RIPOR1: variants seen among roughly 807,000 people sequenced by gnomAD.
The protein encoded by RIPOR1 is RHO family interacting cell polarization regulator 1, also known as rho family-interacting cell polarization regulator 1.
In RIPOR1, 58 loss-of-function variants were observed where a neutral mutation model predicts 116.5. The observed-to-expected ratio is 0.50, with a 90% confidence interval of 0.40 to 0.62. RIPOR1 has a LOEUF of 0.62. Among genes scored for constraint, RIPOR1 ranks in the 20% least tolerant of loss-of-function variants. RIPOR1 has a pLI of 0.00. For missense variants in RIPOR1, 1,372 were observed against 1,586.2 expected, an observed-to-expected ratio of 0.86 and a Z score of 2.29; for synonymous variants, 605 against 650.0, an observed-to-expected ratio of 0.93 and a Z score of 1.05.
At chr16:67,534,835 CTTTTTTTTTT>C (rs553858194) in intron 1 of RIPOR1, among the ~76,000 whole-genome samples, 3 of 79,022 alleles carry the variant, frequency 3.8e-5, no homozygotes, top group African/African-American at 5.3e-5. Context: ...TTCTTTTTTT[CTTTTTTTTTT>C]TTTTTTTTTT....
Position 67,542,178 on chromosome 16 carries a change from A to G in RIPOR1, c.1392A>G (p.Ser464=), listed in dbSNP as rs1258735414. ...ASVDAALAEA[S]VEAVGPESLA... is the part of the protein sequence containing the mutation. The stretch of plus-strand genomic sequence containing the variant: ...TAGATGCTGCCTTGGCTGAGGCTTC[A>G]GTGGAGGCCGTTGGCCCAGAAAGCC... The change falls in exon 13 of 22, where the codon TCA becomes TCG. Residue 464 remains serine, a synonymous_variant. Transcript: ENST00000042381. This position sits in a 1 kb window ranked among gnomAD's most constrained non-coding sequence, Gnocchi z 4.6. 2 of 1,613,402 alleles carry G rather than the reference A, an allele frequency of 1.2e-6. No individual in the cohort carries two copies. The highest frequency in any genetic ancestry group is 1.7e-5 in the Admixed American group (1 of 59,972).
At position 67,537,145 on chromosome 16, in the gene RIPOR1, C is replaced by T. The variant is rs936262987; in HGVS notation, c.-23-1279C>T. ...GGTCAGGCTGATCTCGAATTCCTGA[C>T]CTCGTGATCCGCCCGCCTCGGCCTC... On this transcript the variant is annotated intron_variant, in intron 1 of 21. Coordinates refer to ENST00000042381, the MANE Select transcript of RIPOR1 (RefSeq NM_024519.4). This position sits in a 1 kb window ranked among gnomAD's most constrained non-coding sequence, Gnocchi z 4.6. Among the ~76,000 whole-genome samples the T allele has an allele frequency of 6.6e-6, 1 of 152,166 alleles. No homozygotes were observed. The highest frequency in any genetic ancestry group is 2.4e-5 in the African/African-American group (1 of 41,438).
chr16:67,542,486 C>T lies in RIPOR1; in HGVS notation c.1700C>T (p.Thr567Ile), dbSNP rs1323597142. Residue 567 changes from threonine to isoleucine, a missense_variant, in exon 13 of 22, where the codon ACT becomes ATT. By Grantham distance (89) the Thr-to-Ile change is moderately conservative (BLOSUM62 -1). This residue lies in a region of RIPOR1 where 1,005 missense variants were observed against 1,144.7 expected (regional missense o/e 0.88). Transcript: ENST00000042381. This position sits in a 1 kb window ranked among gnomAD's most constrained non-coding sequence, Gnocchi z 4.6. ...TTTHSAPSPL[T>I]HTTTGSTHKP... The stretch of plus-strand genomic sequence containing the variant: ...ACCCACAGTGCTCCAAGCCCCCTCA[C>T]TCACACTACTACAGGCTCCACCCAC... 6.2e-7 allele frequency: 1 copy of T among 1,613,940 alleles called. No individual in the cohort carries two copies. The highest frequency in any genetic ancestry group is 1.1e-5 in the South Asian group (1 of 91,084).
At position 67,541,683 on chromosome 16, in the gene RIPOR1, T is replaced by G. The variant is rs1395498734; in HGVS notation, c.981T>G (p.Ala327=). ...SPFDKDDQPS[A]ASSVNKASTV... is the part of the protein sequence containing the mutation. ...TCGACAAGGATGACCAGCCCTCAGC[T>G]GCTTCTTCTGTCAACAAGGCCTCCA... Residue 327 remains alanine (A), a synonymous_variant, in exon 12 of 22, where the codon GCT becomes GCG. Coordinates refer to ENST00000042381, the MANE Select transcript of RIPOR1 (RefSeq NM_024519.4). This position sits in a 1 kb window ranked among gnomAD's most constrained non-coding sequence, Gnocchi z 4.6. The G allele has an allele frequency of 1.2e-6, 2 of 1,613,952 alleles. No homozygotes were observed. The highest frequency in any genetic ancestry group is 1.1e-5 in the South Asian group (1 of 91,086).
At position 67,543,438 on chromosome 16, in the gene RIPOR1, G is replaced by A. The variant is rs1315405212; in HGVS notation, c.2569G>A (p.Glu857Lys). Reference sequence around the variant, plus strand: ...GAGCTTCAGCTTCCTCAATGAAGACGAAGATGAAGACAATGATGTTCCTGG... The same window carrying A: ...GAGCTTCAGCTTCCTCAATGAAGACAAAGATGAAGACAATGATGTTCCTGG... ...LESFSFLNEDEDEDNDVPGDR... is the reference protein window; with the variant it reads ...LESFSFLNEDKDEDNDVPGDR... Residue 857 changes from glutamate to lysine, a missense_variant, in exon 14 of 22, where the codon GAA becomes AAA. Around this residue, in one of 3 missense-constraint regions of RIPOR1, gnomAD observed 1,005 missense variants for 1,144.7 expected, o/e 0.88. Transcript: ENST00000042381. This position sits in a 1 kb window ranked among gnomAD's most constrained non-coding sequence, Gnocchi z 4.7. The A allele has an allele frequency of 1.2e-5, 18 of 1,558,746 alleles. No individual in the cohort carries two copies. Among genetic ancestry groups the A allele is most frequent in the Admixed American group, 1.9e-5 (1 of 51,626 alleles).
Position 67,545,855 on chromosome 16 carries a change from G to A in RIPOR1, c.3382G>A (p.Glu1128Lys), listed in dbSNP as rs1413971366. 1.9e-6 allele frequency: 3 copies of A among 1,607,630 alleles called. No homozygotes were observed. The highest frequency in any genetic ancestry group is 1.1e-5 in the South Asian group (1 of 90,220). Reference sequence around the variant, plus strand: ...CCTGTCACTGGGCCCTACCTTCCGGGAGAGGGTGAGTTGGACAGGGCTCCC... The same window carrying A: ...CCTGTCACTGGGCCCTACCTTCCGGAAGAGGGTGAGTTGGACAGGGCTCCC... ...RSLSLGPTFR[E>K]RALLCFLDQL... Residue 1128 changes from glutamate (E) to lysine (K), a missense_variant, in exon 19 of 22, where the codon GAG (glutamate) becomes AAG (lysine). Glu to Lys is a moderately conservative substitution (Grantham distance 56). Coordinates refer to ENST00000042381, the MANE Select transcript of RIPOR1 (RefSeq NM_024519.4). The surrounding 1 kb of genome is among the most constrained non-coding windows in gnomAD (Gnocchi z 4.8).
At position 67,543,064 on chromosome 16, in the gene RIPOR1, A is replaced by G. The variant is rs780645424; in HGVS notation, c.2278A>G (p.Thr760Ala). ...QSLSPTPSPP[T>A]PAPQHSDLCL... ...TCTAAGCCCCACTCCCTCACCCCCAACCCCTGCACCCCAGCATTCAGACCT... is the reference window on the plus strand; with the variant it reads ...TCTAAGCCCCACTCCCTCACCCCCAGCCCCTGCACCCCAGCATTCAGACCT... The change falls in exon 13 of 22, where the codon ACC (threonine) becomes GCC (alanine). Residue 760 changes from threonine to alanine, a missense_variant. Transcript: ENST00000042381. This position sits in a 1 kb window ranked among gnomAD's most constrained non-coding sequence, Gnocchi z 4.7. The G allele has an allele frequency of 7.6e-5, 116 of 1,521,266 alleles. No individual in the cohort carries two copies. The highest frequency in any genetic ancestry group is 1.0e-4 in the Non-Finnish European group (114 of 1,136,730). 94.2% of individuals were successfully genotyped at this position (1,521,266 alleles called of 1,614,324 possible).
In RIPOR1 at chr16:67,543,294, C is replaced by A; in HGVS notation, c.2478+30C>A. On this transcript the variant is annotated intron_variant, in intron 13 of 21. Coordinates refer to ENST00000042381, the MANE Select transcript of RIPOR1 (RefSeq NM_024519.4). This position sits in a 1 kb window ranked among gnomAD's most constrained non-coding sequence, Gnocchi z 4.7. Reference sequence around the variant, plus strand: ...GGAGGGCTGGGCTGGGCTAGGGCAACCAGGGAGGGCAGCCAGGGGGCGGCA... The same window carrying A: ...GGAGGGCTGGGCTGGGCTAGGGCAAACAGGGAGGGCAGCCAGGGGGCGGCA... 6.2e-7 allele frequency: 1 copy of A among 1,605,334 alleles called. No homozygotes were observed. The highest frequency in any genetic ancestry group is 2.2e-5 in the East Asian group (1 of 44,652).
rs1251937730 is a variant in RIPOR1 at position 67,531,503 on chromosome 16, A to G, written c.-24+2589A>G. The G allele has an allele frequency of 1.0e-5, 4 of 396,824 alleles. No homozygotes were observed. The highest frequency in any genetic ancestry group is 2.0e-5 in the Non-Finnish European group (4 of 197,250). 24.6% of individuals were successfully genotyped at this position (396,824 alleles called of 1,614,324 possible). Reference sequence around the variant, plus strand: ...GAAGTCAAAAAGGGGGAACCAACCCAGGGCCTGCTTCCTGGAGGAAGAAGT... The same window carrying G: ...GAAGTCAAAAAGGGGGAACCAACCCGGGGCCTGCTTCCTGGAGGAAGAAGT... On this transcript the variant is annotated intron_variant, in intron 1 of 21. Coordinates refer to ENST00000042381, the MANE Select transcript of RIPOR1 (RefSeq NM_024519.4). The surrounding 1 kb of genome is among the most constrained non-coding windows in gnomAD (Gnocchi z 4.2).
chr16:67,533,023 G>A (rs1166493535), intron 1 of RIPOR1, among the ~76,000 whole-genome samples: 1 of 152,128 alleles, frequency 6.6e-6, no homozygotes, highest in Non-Finnish European at 1.5e-5. Flanking sequence ...AGGTGAGGGG[G>A]CAGATTGCAG....
intron 1 of RIPOR1, among the ~76,000 whole-genome samples, chr16:67,532,382 G>A (rs2050683580): frequency 6.6e-6 from 1 of 151,602 alleles, no homozygotes; most frequent in Admixed American, 6.6e-5. Flanking sequence ...GAAACTGATC[G>A]CTTGAGCCCA....
chr16:67,545,781 T>G lies in RIPOR1; in HGVS notation c.3308T>G (p.Val1103Gly), dbSNP rs765170301. Residue 1103 changes from valine (V) to glycine (G), a missense_variant, in exon 19 of 22, where the codon GTC becomes GGC. Val to Gly is a moderately radical substitution (Grantham distance 109). This residue lies in a region of RIPOR1 where 1,005 missense variants were observed against 1,144.7 expected (regional missense o/e 0.88). Transcript: ENST00000042381. The surrounding 1 kb of genome is among the most constrained non-coding windows in gnomAD (Gnocchi z 4.8). ...CTGCGGGCCCTCAGCTCCCTGCTCG[T>G]CCATGGCAACAACAAGGTCATGGCT... is the stretch of plus-strand genomic sequence containing the variant. ...DGLRALSSLL[V>G]HGNNKVMAAV... is the part of the protein sequence containing the mutation. 6.2e-7 allele frequency: 1 copy of G among 1,612,914 alleles called. No individual in the cohort carries two copies.
In RIPOR1 at chr16:67,537,611, C is replaced by T. The variant is rs766861303; in HGVS notation, c.-23-813C>T. 1.6e-5 allele frequency: 23 copies of T among 1,406,418 alleles called. No individual in the cohort carries two copies. In the South Asian group the frequency reaches 1.6e-4, roughly 10 times the overall value. The allele number at this position is 1,406,418 out of a possible 1,614,324, so 87.1% of individuals were successfully genotyped here. Reference sequence around the variant, plus strand: ...CCAAGAAGAGAGGTAGGACCCAGCTCGGGGCTGCGAAAGCTCAGGGACTGG... The same window carrying T: ...CCAAGAAGAGAGGTAGGACCCAGCTTGGGGCTGCGAAAGCTCAGGGACTGG... On this transcript the variant is annotated intron_variant, in intron 1 of 21. Transcript: ENST00000042381. This position sits in a 1 kb window ranked among gnomAD's most constrained non-coding sequence, Gnocchi z 4.6.
At chr16:67,538,863 C>T (rs754624221) in intron 3 of RIPOR1, 39 bp downstream of exon 3, 2 of 1,610,610 alleles carry the variant, frequency 1.2e-6, no homozygotes, top group African/African-American at 1.3e-5. Flanking sequence ...TCCCGGGATC[C>T]CTCCCCAAGC....
rs768744421 is a variant in RIPOR1, at chr16:67,541,976, C to T, written c.1190C>T (p.Ser397Leu). 3.1e-6 allele frequency: 5 copies of T among 1,612,406 alleles called. No homozygotes were observed. The Admixed American group carries it at 8.3e-5, about 27-fold the overall frequency. Residue 397 changes from serine (S) to leucine (L), a missense_variant, in exon 13 of 22, where the codon TCA (serine) becomes TTA (leucine). Ser to Leu is a moderately radical substitution (Grantham distance 145). Transcript: ENST00000042381. This position sits in a 1 kb window ranked among gnomAD's most constrained non-coding sequence, Gnocchi z 4.6. Reference sequence around the variant, plus strand: ...CAGCTCTCAGGCACTGCCCGCCACTCACCAGCCCCTAGGCCCCTGGTGCAG... The same window carrying T: ...CAGCTCTCAGGCACTGCCCGCCACTTACCAGCCCCTAGGCCCCTGGTGCAG... ...SPQLSGTARH[S>L]PAPRPLVQQP...
Position 67,542,048 on chromosome 16 carries a change from C to G in RIPOR1, c.1262C>G (p.Thr421Ser), listed in dbSNP as rs749975909. 1 of 1,606,116 alleles carries G rather than the reference C, an allele frequency of 6.2e-7. No homozygotes were observed. The highest frequency in any genetic ancestry group is 8.5e-7 in the Non-Finnish European group (1 of 1,174,188). ...PIQVAFRRPE[T>S]PSSGPLDEEG... ...CAAGTTGCCTTCCGCAGGCCTGAGA[C>G]CCCCAGCTCTGGGCCCTTGGATGAG... Residue 421 changes from threonine to serine, a missense_variant, in exon 13 of 22, where the codon ACC becomes AGC. Coordinates refer to ENST00000042381, the MANE Select transcript of RIPOR1 (RefSeq NM_024519.4). This position sits in a 1 kb window ranked among gnomAD's most constrained non-coding sequence, Gnocchi z 4.6.
chr16:67,539,310 A>G (rs1307372996), intron 4 of RIPOR1: 2 of 538,200 alleles, frequency 3.7e-6, no homozygotes, highest in Non-Finnish European at 6.6e-6. Flanking sequence ...CCCTACAGAC[A>G]TGGACAGCAG....
At chr16:67,535,306 A>T (rs1012990959) in intron 1 of RIPOR1, among the ~76,000 whole-genome samples, 9 of 152,224 alleles carry the variant, frequency 5.9e-5, no homozygotes, top group Non-Finnish European at 1.2e-4. Context: ...GATTCCAGCC[A>T]GGCTGCTGTG....
chr16:67,545,713 G>C lies in RIPOR1; in HGVS notation c.3240G>C (p.Lys1080Asn). The stretch of plus-strand genomic sequence containing the variant: ...CGGATGATCAGGCTGTTGTGCTGAA[G>C]GCCCTGAGATTGGCGCCCGAGGGGC... ...LNSDDQAVVL[K>N]ALRLAPEGRL... Residue 1080 changes from lysine (K) to asparagine (N), a missense_variant, in exon 19 of 22, where the codon AAG becomes AAC. Coordinates refer to ENST00000042381, the MANE Select transcript of RIPOR1 (RefSeq NM_024519.4). This position sits in a 1 kb window ranked among gnomAD's most constrained non-coding sequence, Gnocchi z 4.8. 3 of 1,593,966 alleles carry C rather than the reference G, an allele frequency of 1.9e-6. No homozygotes were observed. Among genetic ancestry groups the C allele is most frequent in the Non-Finnish European group, 2.6e-6 (3 of 1,170,968 alleles).
Sources: allele counts gnomAD v4.1 joint callset (sites outside exome capture counted in the v4.1 genomes callset), GRCh38; gene constraint gnomAD v4.1.1; regional missense constraint gnomAD v4.1.1; non-coding constraint Gnocchi (gnomAD v3.1); transcripts MANE v1.5; gene names NCBI Gene and HGNC (gene_info 2026-07-23, HGNC 2026-07-21).